The following CC2D2B variants were observed in gnomAD, a reference collection of about 807,000 sequenced individuals.
The protein encoded by CC2D2B is coiled-coil and C2 domain containing 2B.
In CC2D2B, 128 loss-of-function variants were observed where a neutral mutation model predicts 161.2. The ratio of observed to expected loss-of-function variants is 0.79; its 90% confidence interval spans 0.69 to 0.92. The LOEUF (loss-of-function observed/expected upper bound fraction) is 0.92. Ranked by LOEUF, CC2D2B falls within the 40% of genes least tolerant of loss-of-function variation. The pLI is 0.00. For synonymous variants in CC2D2B, 391 were observed against 449.8 expected (o/e 0.87, Z 1.65); for missense variants, 1,173 against 1,375.1 (o/e 0.85, Z 2.32).
chr10:95,995,327 A>G lies in CC2D2B; in HGVS notation c.2701A>G (p.Thr901Ala). 1 of 1,532,126 alleles carries G rather than the reference A, an allele frequency of 6.5e-7. No homozygotes were observed. Among genetic ancestry groups the G allele is most frequent in the Non-Finnish European group, 8.7e-7 (1 of 1,144,598 alleles). 94.9% of individuals were successfully genotyped at this position (1,532,126 alleles called of 1,614,324 possible). ...TATATCTTGCCTCAGACATAGAGAA[A>G]CAATCAAATCAGTAGCCTCAGATGA... ...SSISCLRHRE[T>A]IKSVASDETL... The change falls in exon 23 of 35, where the codon ACA becomes GCA. Residue 901 changes from threonine (T) to alanine (A), a missense_variant. Physicochemically the swap from Thr to Ala is moderately conservative, Grantham distance 58 (BLOSUM62 0). Coordinates refer to ENST00000646931, the MANE Select transcript of CC2D2B (RefSeq NM_001349008.3).
At chr10:95,938,424 G>A (rs549793355) in intron 7 of CC2D2B, 145 bp from the exon 8 acceptor site, 8 of 597,870 alleles carry the variant, frequency 1.3e-5, no homozygotes, top group African/African-American at 9.3e-5. Flanking sequence ...GAGAGCGAGC[G>A]AGAAAGTAAG....
chr10:95,938,343 C>G, intron 7 of CC2D2B, 154 bp downstream of exon 7: 1 of 626,046 alleles, frequency 1.6e-6, no homozygotes, highest in Non-Finnish European at 2.8e-6. Context: ...ATTAAGGGAA[C>G]TGATTAAGAG....
At chr10:95,990,658 C>T (rs898946114) in intron 20 of CC2D2B, among the ~76,000 whole-genome samples, 1 of 152,188 alleles carries the variant, frequency 6.6e-6, no homozygotes, top group African/African-American at 2.4e-5. Context: ...AAGAAGATAA[C>T]TAGGGTCTCG....
At chr10:95,968,646 A>AAT (rs1181583189) in intron 14 of CC2D2B, 78 bp from the exon 15 acceptor site, 6 of 499,854 alleles carry the variant, frequency 1.2e-5, no homozygotes, top group Admixed American at 4.4e-5. Context: ...TTAACATGCT[A>AAT]ATATACATTT....
chr10:96,009,955 G>C lies in CC2D2B; in HGVS notation c.3045+32G>C, dbSNP rs371240013. On this transcript the variant is annotated intron_variant, in intron 26 of 34. Transcript: ENST00000646931. The stretch of plus-strand genomic sequence containing the variant: ...GAAAATGCTTCTTTGCTCATTCTAA[G>C]TTTTGACCTCTGGCTCATAGAAAAA... The C allele has an allele frequency of 4.4e-6, 6 of 1,366,596 alleles. No individual in the cohort carries two copies. In the African/African-American group the frequency reaches 7.2e-5, roughly 16 times the overall value. The allele number at this position is 1,366,596 out of a possible 1,614,324, so 84.7% of individuals were successfully genotyped here.
At chr10:95,987,548 C>T (rs932844243) in intron 19 of CC2D2B, among the ~76,000 whole-genome samples, 1 of 151,948 alleles carries the variant, frequency 6.6e-6, no homozygotes, top group Admixed American at 6.6e-5. Flanking sequence ...AATATAAAAT[C>T]ATTTCCAAGT....
chr10:96,007,628 C>T (rs1296809357), intron 25 of CC2D2B, among the ~76,000 whole-genome samples: 1 of 152,074 alleles, frequency 6.6e-6, no homozygotes, highest in Admixed American at 6.6e-5. Flanking sequence ...GGGGTAACTT[C>T]CTAAGTGCAA....
intron 2 of CC2D2B, chr10:95,919,685 C>G (rs1313287524): frequency 6.6e-6 from 1 of 152,062 alleles, no homozygotes; most frequent in Non-Finnish European, 1.5e-5. Flanking sequence ...ATTTAGTGAG[C>G]AAATGATGAA....
chr10:95,950,093 G>A lies in CC2D2B; in HGVS notation c.999G>A (p.Leu333=). The A allele has an allele frequency of 2.5e-6, 1 of 398,750 alleles. No individual in the cohort carries two copies. The highest frequency in any genetic ancestry group is 4.4e-6 in the Non-Finnish European group (1 of 225,900). The allele number at this position is 398,750 out of a possible 1,614,324, so 24.7% of individuals were successfully genotyped here. The stretch of plus-strand genomic sequence containing the variant: ...GGCAGCAACAGAATGTATCTCAGCT[G>A]CTTTATGAGAAGGTGAGAATGGCTT... ...QDRQQQNVSQ[L]LYEKLKALTD... Residue 333 remains leucine, a synonymous_variant, in exon 10 of 35, where the codon CTG becomes CTA. Coordinates refer to ENST00000646931, the MANE Select transcript of CC2D2B (RefSeq NM_001349008.3).
chr10:95,996,176 C>A lies in CC2D2B; in HGVS notation c.2773C>A (p.Gln925Lys). ...TVHPFVEVSFQHTVYKTNTAS... is the reference protein window; with the variant it reads ...TVHPFVEVSFKHTVYKTNTAS... ...ACATCCATTCGTGGAAGTTTCTTTC[C>A]AGCACACTGTATACAAAACCAATAC... Residue 925 changes from glutamine (Q) to lysine (K), a missense_variant, in exon 24 of 35, where the codon CAG (glutamine) becomes AAG (lysine). Around this residue, in one of 3 missense-constraint regions of CC2D2B, gnomAD observed 598 missense variants for 693.2 expected, o/e 0.86. Transcript: ENST00000646931. 6.6e-7 allele frequency: 1 copy of A among 1,510,774 alleles called. No individual in the cohort carries two copies. The highest frequency in any genetic ancestry group is 8.9e-7 in the Non-Finnish European group (1 of 1,129,898). 93.6% of individuals were successfully genotyped at this position (1,510,774 alleles called of 1,614,324 possible).
At chr10:95,947,113 A>ATATTTTTTTT (rs1289243570) in intron 9 of CC2D2B, among the ~76,000 whole-genome samples, 9 of 48,384 alleles carry the variant, frequency 1.9e-4, no homozygotes, top group African/African-American at 8.4e-4. Flanking sequence ...ATATATATAT[A>ATATTTTTTTT]TTTTTTTTTT....
At chr10:95,994,709 C>T (rs2078161846) in intron 22 of CC2D2B, among the ~76,000 whole-genome samples, 1 of 152,206 alleles carries the variant, frequency 6.6e-6, no homozygotes, top group Non-Finnish European at 1.5e-5. Context: ...TAGGTCACTT[C>T]TCACAATGTC....
At chr10:95,977,109 C>CG (rs5787167) in intron 17 of CC2D2B, among the ~76,000 whole-genome samples, 152,237 of 152,238 alleles carry the variant, frequency 1, 76,118 homozygotes, top group Non-Finnish European at 1. Flanking sequence ...TGGTGGCTCA[C>CG]CGTGTAATCC....
chr10:96,003,838 C>T (rs1330197056), intron 24 of CC2D2B, among the ~76,000 whole-genome samples: 1 of 152,070 alleles, frequency 6.6e-6, no homozygotes, highest in Non-Finnish European at 1.5e-5. Context: ...CAGAAACTAG[C>T]AGAATTTAAG....
chr10:95,999,875 G>T (rs1472488387), intron 24 of CC2D2B: 3 of 485,100 alleles, frequency 6.2e-6, no homozygotes, highest in Non-Finnish European at 1.2e-5. Flanking sequence ...TGGCACTTCA[G>T]TTGAACCCAG....
At chr10:95,969,639 C>T (rs1056160155) in intron 15 of CC2D2B, among the ~76,000 whole-genome samples, 1 of 152,020 alleles carries the variant, frequency 6.6e-6, no homozygotes, top group Non-Finnish European at 1.5e-5. Context: ...TAATTTTATT[C>T]TCTCCTGATA....
At chr10:96,005,397 C>T (rs1404485476) in intron 25 of CC2D2B, among the ~76,000 whole-genome samples, 1 of 152,016 alleles carries the variant, frequency 6.6e-6, no homozygotes, top group Non-Finnish European at 1.5e-5. Context: ...AGGAAAGGGC[C>T]TTGCATTCTT....
Position 96,031,972 on chromosome 10 carries a change from G to A in CC2D2B, c.4278G>A (p.Val1426=). The A allele has an allele frequency of 3.1e-6, 5 of 1,613,550 alleles. No individual in the cohort carries two copies. The highest frequency in any genetic ancestry group is 4.2e-6 in the Non-Finnish European group (5 of 1,179,646). Residue 1426 remains valine (V), a synonymous_variant, in exon 35 of 35, where the codon GTG becomes GTA. Transcript: ENST00000646931. The part of the protein sequence containing the change: ...IHPYPNNILS[V]WVYLASLVQH... ...CATACCCAAACAACATATTATCTGTGTGGGTCTATTTGGCTTCCTTAGTTC... is the reference window on the plus strand; with the variant it reads ...CATACCCAAACAACATATTATCTGTATGGGTCTATTTGGCTTCCTTAGTTC...
chr10:95,982,875 A>G (rs10882702), intron 18 of CC2D2B, among the ~76,000 whole-genome samples: 101,676 of 151,994 alleles, frequency 0.67, 34,261 homozygotes, highest in East Asian at 0.85. Flanking sequence ...AGGTTCCGGC[A>G]ATTCTCTTGC....
Sources: gnomAD v4.1 joint callset for allele counts (sites outside exome capture counted in the v4.1 genomes callset) on GRCh38, gnomAD v4.1.1 for gene constraint, gnomAD v4.1.1 regional missense constraint, MANE v1.5 for transcripts, NCBI Gene and HGNC (gene_info 2026-07-23, HGNC 2026-07-21) for gene names.